The following MEGF10 variants were observed in gnomAD, a reference collection of about 807,000 sequenced individuals.
MEGF10 encodes the protein multiple EGF like domains 10, also known as multiple epidermal growth factor-like domains protein 10.
A neutral mutation model predicts 147.5 loss-of-function variants in MEGF10; 86 were observed. The ratio of observed to expected loss-of-function variants is 0.58; its 90% confidence interval spans 0.49 to 0.70. The LOEUF (loss-of-function observed/expected upper bound fraction) is 0.70. Ranked by LOEUF, MEGF10 falls within the 30% of genes least tolerant of loss-of-function variation. The pLI, the probability that MEGF10 is intolerant of heterozygous loss-of-function variation, is 0.00. For missense variants in MEGF10, 1,329 were observed against 1,487.3 expected, an observed-to-expected ratio of 0.89 and a Z score of 1.75; for synonymous variants, 478 against 525.5, an observed-to-expected ratio of 0.91 and a Z score of 1.24.
At chr5:127,402,350 G>A (rs1440417048) in intron 7 of MEGF10, among the ~76,000 whole-genome samples, 196 bp from the exon 8 acceptor site, 1 of 152,172 alleles carries the variant, frequency 6.6e-6, no homozygotes, top group African/African-American at 2.4e-5. Context: ...GGCTTACTGA[G>A]TAATTAAGTC....
chr5:127,244,415 C>A, the MEGF10 span, among the ~76,000 whole-genome samples: 1 of 149,642 alleles, frequency 6.7e-6, no homozygotes, highest in East Asian at 2.0e-4. Flanking sequence ...CACAGGAGTT[C>A]CAGAAGGAGA....
At chr5:127,248,462 C>T in the MEGF10 span, among the ~76,000 whole-genome samples, 2 of 151,970 alleles carry the variant, frequency 1.3e-5, no homozygotes, top group Admixed American at 6.6e-5. Context: ...AATGTTTATA[C>T]ACATGTTCAA....
intron 5 of MEGF10, among the ~76,000 whole-genome samples, chr5:127,372,319 G>A (rs1762877283): frequency 6.6e-6 from 1 of 152,112 alleles, no homozygotes; most frequent in Non-Finnish European, 1.5e-5. Flanking sequence ...TTTTATTTGG[G>A]AACACTTTTA....
At chr5:127,292,929 G>A (rs1404638477) in intron 1 of MEGF10, among the ~76,000 whole-genome samples, 3 of 152,172 alleles carry the variant, frequency 2.0e-5, no homozygotes, top group Non-Finnish European at 1.5e-5. Context: ...GTGTGACCTA[G>A]CACTCTATAA....
chr5:127,298,614 T>C (rs913278143), intron 1 of MEGF10, among the ~76,000 whole-genome samples: 1 of 152,192 alleles, frequency 6.6e-6, no homozygotes, highest in African/African-American at 2.4e-5. Context: ...GTGGCCCATA[T>C]ATGCATGATA....
intron 1 of MEGF10, among the ~76,000 whole-genome samples, chr5:127,310,465 A>G (rs1203113921): frequency 6.6e-6 from 1 of 152,124 alleles, no homozygotes; most frequent in African/African-American, 2.4e-5. Context: ...TTTTAGTATC[A>G]TATCCAAGAA....
chr5:127,385,969 A>G (rs762237354), intron 5 of MEGF10, among the ~76,000 whole-genome samples: 1 of 152,196 alleles, frequency 6.6e-6, no homozygotes, highest in African/African-American at 2.4e-5. Context: ...TCATCTGGGC[A>G]TGGTAGCATG....
chr5:127,391,895 G>A (rs768533543), intron 5 of MEGF10, among the ~76,000 whole-genome samples: 1 of 152,130 alleles, frequency 6.6e-6, no homozygotes, highest in Non-Finnish European at 1.5e-5. Flanking sequence ...TGGGCACAGT[G>A]GCTCACACCT....
intron 4 of MEGF10, among the ~76,000 whole-genome samples, chr5:127,364,119 T>A (rs1479537554): frequency 2.0e-5 from 3 of 152,260 alleles, no homozygotes; most frequent in Non-Finnish European, 4.4e-5. Flanking sequence ...AACAGTTTTG[T>A]TGAGATGTAA....
intron 3 of MEGF10, among the ~76,000 whole-genome samples, chr5:127,340,061 C>T (rs1761622126): frequency 1.3e-5 from 2 of 152,120 alleles, no homozygotes; most frequent in South Asian, 4.1e-4. Flanking sequence ...TGCTCTTTCC[C>T]CAGTGTCTAG....
In MEGF10 at chr5:127,380,787, G is replaced by A. The variant is rs190851465; in HGVS notation, c.412+10785G>A. Reference sequence around the variant, plus strand: ...CCGCCTCGGCCTCCCAAAGTGCTGGGATTACAGGTGTGAGCCACCGCGCCC... The same window carrying A: ...CCGCCTCGGCCTCCCAAAGTGCTGGAATTACAGGTGTGAGCCACCGCGCCC... On this transcript the variant is annotated intron_variant, in intron 5 of 24. Coordinates refer to ENST00000503335, the MANE Select transcript of MEGF10 (RefSeq NM_001256545.2). Among the ~76,000 whole-genome samples the A allele has an allele frequency of 1.5e-3, 227 of 152,258 alleles. 2 individuals are homozygous for A. The highest frequency in any genetic ancestry group is 5.3e-3 in the African/African-American group (220 of 41,540).
chr5:127,253,060 A>G, the MEGF10 span, among the ~76,000 whole-genome samples: 1 of 152,008 alleles, frequency 6.6e-6, no homozygotes, highest in East Asian at 1.9e-4. Context: ...GTGCTGAAAA[A>G]TCCAGTTAAT....
rs1580893562 is a variant in MEGF10 at position 127,455,582 on chromosome 5, A to G, written c.3207A>G (p.Ser1069=). The G allele has an allele frequency of 6.2e-7, 1 of 1,614,154 alleles. No homozygotes were observed. Among genetic ancestry groups the G allele is most frequent in the Non-Finnish European group, 8.5e-7 (1 of 1,180,008 alleles). ...SPYAEINNST[S]ANRNVYEVEP... The stretch of plus-strand genomic sequence containing the variant: ...ATGCAGAGATCAATAACTCAACTTC[A>G]GCCAACAGGAATGTCTATGAAGTTG... Residue 1069 remains serine (S), a synonymous_variant, in exon 24 of 25, where the codon TCA becomes TCG. Coordinates refer to ENST00000503335, the MANE Select transcript of MEGF10 (RefSeq NM_001256545.2).
At chr5:127,311,760 G>C (rs1230942025) in intron 1 of MEGF10, among the ~76,000 whole-genome samples, 1 of 152,184 alleles carries the variant, frequency 6.6e-6, no homozygotes, top group African/African-American at 2.4e-5. Flanking sequence ...GTATAGGCTT[G>C]AAGAAGTCGG....
At chr5:127,364,581 C>T (rs1005411674) in intron 4 of MEGF10, among the ~76,000 whole-genome samples, 2 of 152,160 alleles carry the variant, frequency 1.3e-5, no homozygotes, top group Non-Finnish European at 2.9e-5. Context: ...TTTTTATAAG[C>T]AAACACAATA....
intron 9 of MEGF10, among the ~76,000 whole-genome samples, chr5:127,417,374 A>G (rs1438985502): frequency 6.6e-6 from 1 of 152,202 alleles, no homozygotes; most frequent in Non-Finnish European, 1.5e-5. Flanking sequence ...AAGAGAATTA[A>G]AAAGAATTTC....
chr5:127,394,399 C>T (rs1763822549), intron 5 of MEGF10, among the ~76,000 whole-genome samples: 1 of 151,972 alleles, frequency 6.6e-6, no homozygotes, highest in South Asian at 2.1e-4. Flanking sequence ...AACTGGTTTA[C>T]TATATTGTGA....
Position 127,294,799 on chromosome 5 carries a change from A to AAATAATAATAATAAT in MEGF10, c.-19+3767_-19+3781dup, listed in dbSNP as rs200086613. ...GGGTGACAGAGTGAGACTCTGTCTCAAATAATAATAATAATAATAATAATA... is the reference window on the plus strand; with the variant it reads ...GGGTGACAGAGTGAGACTCTGTCTCAAATAATAATAATAATAATAATAATAATAATAATAATAATA... On this transcript the variant is annotated intron_variant, in intron 1 of 24. Transcript: ENST00000503335. 1.3e-3 allele frequency among the ~76,000 whole-genome samples: 143 copies of AAATAATAATAATAAT among 108,062 alleles called. 2 individuals carry two copies. The East Asian group carries it at 0.014, about 11-fold the overall frequency. The allele number at this position is 108,062 out of a possible 152,430, so 70.9% of individuals were successfully genotyped here. A position where few individuals can be genotyped will look rare whatever the true frequency, so the allele number is the denominator to read the frequency against.
rs535860504 is a variant in MEGF10, at chr5:127,324,660, C to T, written c.-18-6631C>T. Among the ~76,000 whole-genome samples the T allele has an allele frequency of 2.5e-4, 38 of 152,258 alleles. 1 individual carries two copies. In the South Asian group the frequency reaches 7.5e-3, roughly 30 times the overall value. ...GGTCCCTTGGTTGGTTTTTGCACAC[C>T]TTCTCTGTTAATCTCCCAAACACCT... On this transcript the variant is annotated intron_variant, in intron 1 of 24. Transcript: ENST00000503335.
Sources: allele counts gnomAD v4.1 joint callset (sites outside exome capture counted in the v4.1 genomes callset), GRCh38; gene constraint gnomAD v4.1.1; transcripts MANE v1.5; gene names NCBI Gene and HGNC (gene_info 2026-07-23, HGNC 2026-07-21).